P2RY14: variants seen among roughly 807,000 people sequenced by gnomAD.
P2RY14 encodes the protein P2Y purinoceptor 14.
A neutral mutation model predicts 0.9 loss-of-function variants in P2RY14; 2 were observed. That is an observed-to-expected ratio of 2.16 (90% CI 0.88 to 6.79). The LOEUF is 6.79. Among genes scored for constraint, P2RY14 ranks in the 30% most tolerant of loss-of-function variants. The pLI is 0.05. For synonymous variants in P2RY14, 158 were observed against 147.2 expected, an observed-to-expected ratio of 1.07 and a Z score of -0.53; for missense variants, 378 against 400.1, an observed-to-expected ratio of 0.94 and a Z score of 0.47.
At chr3:151,215,336 C>T (rs1314568335) in intron 2 of P2RY14, among the ~76,000 whole-genome samples, 1 of 152,086 alleles carries the variant, frequency 6.6e-6, no homozygotes, top group Admixed American at 6.6e-5. Context: ...ATAAAATGCA[C>T]ACTAGACTTT....
intron 1 of P2RY14, among the ~76,000 whole-genome samples, chr3:151,236,449 T>G (rs113902291): frequency 5.3e-5 from 8 of 152,326 alleles, no homozygotes; most frequent in African/African-American, 1.9e-4. Flanking sequence ...TTTACAGATT[T>G]ATTTTGTTAT....
At chr3:151,250,652 T>C (rs1736677201) in intron 1 of P2RY14, among the ~76,000 whole-genome samples, 1 of 152,192 alleles carries the variant, frequency 6.6e-6, no homozygotes, top group Non-Finnish European at 1.5e-5. Flanking sequence ...ATATACCACA[T>C]TTTGTTTATT....
chr3:151,245,615 T>C (rs1179306707), intron 1 of P2RY14, among the ~76,000 whole-genome samples: 29 of 148,294 alleles, frequency 2.0e-4, no homozygotes, highest in Middle Eastern at 3.2e-3. Context: ...TGATGGGATG[T>C]ATTTCAAAAT....
rs541404670 is a variant in P2RY14 at position 151,255,089 on chromosome 3, G to A, written c.-133+23198C>T. ...TGTATTCATTTAAAAATGTAGAGAA[G>A]CGCTTAAAAGATAGGAACTTTCGAG... On this transcript the variant is annotated intron_variant, in intron 1 of 2. Coordinates refer to ENST00000309170, the MANE Select transcript of P2RY14 (RefSeq NM_014879.4). Among the ~76,000 whole-genome samples, 11 of 152,084 alleles carry A rather than the reference G, an allele frequency of 7.2e-5. No homozygotes were observed. In the South Asian group the frequency reaches 2.3e-3, roughly 32 times the overall value.
chr3:151,217,620 T>C (rs7653225), intron 2 of P2RY14, among the ~76,000 whole-genome samples: 6,131 of 152,268 alleles, frequency 0.04, 407 homozygotes, highest in African/African-American at 0.14. Flanking sequence ...GTTTTAGACA[T>C]GCTGGTTGGG....
rs114107362 is a variant in P2RY14, at chr3:151,260,126, A to G, written c.-133+18161T>C. Among the ~76,000 whole-genome samples the G allele has an allele frequency of 4.3e-3, 662 of 152,298 alleles. 3 individuals are homozygous for G. Among genetic ancestry groups the G allele is most frequent in the Non-Finnish European group, 7.2e-3 (489 of 68,024 alleles). ...ACCATTGGTGGGCTTAGGGTAGCAG[A>G]TCATGAGTGTGTTTCAGTTGTGGAA... On this transcript the variant is annotated intron_variant, in intron 1 of 2. Transcript: ENST00000309170.
chr3:151,236,735 T>C (rs1425968839), intron 1 of P2RY14, among the ~76,000 whole-genome samples: 1 of 152,258 alleles, frequency 6.6e-6, no homozygotes, highest in Non-Finnish European at 1.5e-5. Context: ...GATTTTTCTA[T>C]ATATTTTACT....
rs187664792 is a variant in P2RY14 at position 151,230,371 on chromosome 3, G to T, written c.-132-10729C>A. On this transcript the variant is annotated intron_variant, in intron 1 of 2. Coordinates refer to ENST00000309170, the MANE Select transcript of P2RY14 (RefSeq NM_014879.4). ...TCAATAGAAGTCAGTCAAGTACAGT[G>T]TAAGAAAATAGTCTTATGTCTTGCC... Among the ~76,000 whole-genome samples the T allele has an allele frequency of 6.0e-3, 911 of 152,340 alleles. 24 individuals are homozygous for T. The highest frequency in any genetic ancestry group is 0.033 in the Admixed American group (505 of 15,298).
intron 1 of P2RY14, among the ~76,000 whole-genome samples, chr3:151,251,917 G>A (rs573247194): frequency 1.3e-5 from 2 of 152,072 alleles, no homozygotes; most frequent in South Asian, 2.1e-4. Flanking sequence ...AAAATTAAAT[G>A]TTTACCCTCA....
chr3:151,237,350 C>CTT (rs57239604), intron 1 of P2RY14, among the ~76,000 whole-genome samples: 16,041 of 94,488 alleles, frequency 0.17, 1,870 homozygotes, highest in Non-Finnish European at 0.2. Flanking sequence ...TTTTTTTTTT[C>CTT]TTTTTTTTTT....
intron 1 of P2RY14, among the ~76,000 whole-genome samples, chr3:151,243,509 C>T (rs1028574534): frequency 7.2e-5 from 11 of 152,114 alleles, no homozygotes; most frequent in African/African-American, 2.2e-4. Context: ...TCATATCCAG[C>T]GAAACTAAGC....
intron 2 of P2RY14, 96 bp from the exon 3 acceptor site, chr3:151,214,436 C>T (rs1727792892): frequency 1.2e-6 from 1 of 824,294 alleles, no homozygotes; most frequent in Non-Finnish European, 1.9e-6. Flanking sequence ...ATAGTCAAAC[C>T]TACCAAATTT....
chr3:151,231,341 C>G (rs530802396), intron 1 of P2RY14, among the ~76,000 whole-genome samples: 2 of 152,272 alleles, frequency 1.3e-5, no homozygotes, highest in African/African-American at 4.8e-5. Context: ...ATCTTTCAGT[C>G]TGAAAACATA....
At chr3:151,221,699 G>C (rs1729395482) in intron 1 of P2RY14, among the ~76,000 whole-genome samples, 1 of 152,230 alleles carries the variant, frequency 6.6e-6, no homozygotes, top group Admixed American at 6.5e-5. Context: ...CTAGATTTCA[G>C]AATATGTGTG....
chr3:151,242,992 G>A (rs1384674702), intron 1 of P2RY14, among the ~76,000 whole-genome samples: 4 of 151,750 alleles, frequency 2.6e-5, no homozygotes, highest in Admixed American at 6.6e-5. Context: ...GAGCCCATGC[G>A]ATCAACTGGA....
At chr3:151,269,988 A>G in intron 1 of P2RY14, 1 of 279,898 alleles carries the variant, frequency 3.6e-6, no homozygotes, top group South Asian at 3.6e-5. Context: ...TTGGTTTTCA[A>G]TATGGATGAT....
chr3:151,275,023 GC>G (rs1416965793), intron 1 of P2RY14, among the ~76,000 whole-genome samples: 1 of 152,098 alleles, frequency 6.6e-6, no homozygotes, highest in Non-Finnish European at 1.5e-5. Context: ...TGACCTTAGG[GC>G]TCGACTCACT....
intron 1 of P2RY14, among the ~76,000 whole-genome samples, chr3:151,255,912 A>G (rs1302943629): frequency 6.6e-6 from 1 of 152,200 alleles, no homozygotes; most frequent in African/African-American, 2.4e-5. Flanking sequence ...TACTACCTGC[A>G]CTATTAAAGT....
At chr3:151,262,965 C>T (rs779679407) in intron 1 of P2RY14, among the ~76,000 whole-genome samples, 17 of 152,048 alleles carry the variant, frequency 1.1e-4, no homozygotes, top group African/African-American at 3.9e-4. Context: ...CAGGGGAAGC[C>T]GTAGTTCTCT....
Sources: allele counts gnomAD v4.1 joint callset (sites outside exome capture counted in the v4.1 genomes callset), GRCh38; gene constraint gnomAD v4.1.1; transcripts MANE v1.5; gene names NCBI Gene and HGNC (gene_info 2026-07-23, HGNC 2026-07-21).